Variants in RASSF3 observed in about 807,000 individuals in gnomAD.
RASSF3 encodes Ras association domain family member 3.
RASSF3 carries 19 observed loss-of-function variants against 19.9 expected under a neutral mutation model. The observed-to-expected ratio is 0.96, with a 90% CI of 0.67 to 1.40. The LOEUF (loss-of-function observed/expected upper bound fraction) is 1.40. Among genes scored for constraint, RASSF3 ranks in the 40% most tolerant of loss-of-function variants. The pLI, the probability that RASSF3 is intolerant of heterozygous loss-of-function variation, is 0.00. For missense variants in RASSF3, 306 were observed against 289.8 expected (o/e 1.06, Z -0.41); for synonymous variants, 110 against 104.2 (o/e 1.06, Z -0.34).
intron 1 of RASSF3, among the ~76,000 whole-genome samples, chr12:64,659,900 A>G (rs575178468): frequency 1.2e-4 from 18 of 152,004 alleles, no homozygotes; most frequent in Admixed American, 2.0e-4. Context: ...GTGAGCTGAG[A>G]TGGCGCCACT....
chr12:64,691,292 G>A (rs963690555), intron 3 of RASSF3, among the ~76,000 whole-genome samples, 178 bp from the exon 4 acceptor site: 5 of 152,200 alleles, frequency 3.3e-5, no homozygotes, highest in Admixed American at 3.3e-4. Flanking sequence ...AACAGAAACA[G>A]AATAGATTTT....
chr12:64,657,385 C>T (rs1458228747), intron 1 of RASSF3, among the ~76,000 whole-genome samples: 1 of 152,112 alleles, frequency 6.6e-6, no homozygotes, highest in African/African-American at 2.4e-5. Context: ...TGAATGAACT[C>T]AGTGTCAAAT....
chr12:64,677,127 C>T (rs1013232684), intron 1 of RASSF3, among the ~76,000 whole-genome samples: 1 of 152,144 alleles, frequency 6.6e-6, no homozygotes, highest in Non-Finnish European at 1.5e-5. Context: ...TTTCCTTCCT[C>T]ATTCTTCATT....
intron 1 of RASSF3, among the ~76,000 whole-genome samples, chr12:64,648,919 C>T (rs1232405939): frequency 1.3e-5 from 2 of 150,232 alleles, no homozygotes; most frequent in Non-Finnish European, 3.0e-5. Context: ...GATCCTCACC[C>T]CTCAGCCTAC....
chr12:64,562,347 C>A (rs1439675837), intron 2 of RASSF3, among the ~76,000 whole-genome samples: 1 of 152,016 alleles, frequency 6.6e-6, no homozygotes, highest in Non-Finnish European at 1.5e-5. Flanking sequence ...GAGTACCCAC[C>A]GCATTTATCT....
upstream of RASSF3, among the ~76,000 whole-genome samples, chr12:64,606,054 T>C (rs2136149033): frequency 6.6e-6 from 1 of 152,328 alleles, no homozygotes; most frequent in East Asian, 1.9e-4. Flanking sequence ...ACAGAATTCC[T>C]AGGTACCATA....
At chr12:64,532,824 A>G (rs889704083), upstream of RASSF3, among the ~76,000 whole-genome samples, 1 of 152,102 alleles carries the variant, frequency 6.6e-6, no homozygotes, top group African/African-American at 2.4e-5. Context: ...ACAGAGGGAG[A>G]CCCTATCTCA....
chr12:64,668,553 G>A (rs1006163100), intron 1 of RASSF3, among the ~76,000 whole-genome samples: 1 of 152,122 alleles, frequency 6.6e-6, no homozygotes, highest in Non-Finnish European at 1.5e-5. Flanking sequence ...GATTACAGGT[G>A]TGAGCCACCA....
chr12:64,658,140 C>T (rs1690259), intron 1 of RASSF3, among the ~76,000 whole-genome samples: 43,735 of 152,000 alleles, frequency 0.29, 6,788 homozygotes, highest in Non-Finnish European at 0.36. Context: ...GGAGAGTGCC[C>T]GTCAGATGTC....
At chr12:64,650,408 CTTTTTT>C (rs67304103) in intron 1 of RASSF3, among the ~76,000 whole-genome samples, 134 of 85,478 alleles carry the variant, frequency 1.6e-3, no homozygotes, top group African/African-American at 6.0e-3. Context: ...TTTTTTTTTC[CTTTTTT>C]TTTTTTTTTT....
At chr12:64,542,936 G>C (rs748471994), downstream of RASSF3, among the ~76,000 whole-genome samples, 4 of 152,140 alleles carry the variant, frequency 2.6e-5, no homozygotes, top group Non-Finnish European at 5.9e-5. Flanking sequence ...TGGAGGGAGA[G>C]GCACGGGCGG....
intron 1 of RASSF3, among the ~76,000 whole-genome samples, chr12:64,624,349 A>G (rs1870909016): frequency 6.6e-6 from 1 of 152,014 alleles, no homozygotes; most frequent in African/African-American, 2.4e-5. Flanking sequence ...ATTAATTGCA[A>G]GCAGCTATGT....
upstream of RASSF3, among the ~76,000 whole-genome samples, chr12:64,610,184 G>C (rs1224144039): frequency 6.6e-6 from 1 of 152,200 alleles, no homozygotes; most frequent in Non-Finnish European, 1.5e-5. Flanking sequence ...GGGGCGGGCG[G>C]ACGGCTCGCA....
At chr12:64,596,725 GTA>G (rs751476409) in intron 2 of RASSF3, among the ~76,000 whole-genome samples, 2 of 151,138 alleles carry the variant, frequency 1.3e-5, no homozygotes, top group Admixed American at 6.6e-5. Context: ...TAACTCTTCA[GTA>G]TATATATATA....
intron 1 of RASSF3, among the ~76,000 whole-genome samples, chr12:64,643,483 G>A (rs1039183293): frequency 3.3e-5 from 5 of 151,976 alleles, no homozygotes; most frequent in African/African-American, 1.2e-4. Flanking sequence ...GCTGTAGTAT[G>A]GGATGATTGT....
intron 1 of RASSF3, among the ~76,000 whole-genome samples, chr12:64,667,488 G>A (rs769461507): frequency 1.3e-5 from 2 of 152,062 alleles, no homozygotes; most frequent in Non-Finnish European, 1.5e-5. Context: ...CACTGCGCCC[G>A]GCCTATTTTC....
chr12:64,595,211 T>C lies in RASSF3; in HGVS notation c.294+53506T>C, dbSNP rs2136142451. Among the ~76,000 whole-genome samples, 3 of 151,628 alleles carry C rather than the reference T, an allele frequency of 2.0e-5. No homozygotes were observed. The South Asian group carries it at 6.3e-4, about 32-fold the overall frequency. On this transcript the variant is annotated intron_variant, in intron 2 of 5. Transcript: ENST00000637125. ...GCCTCCTGAGTAGCTAGGACTATAG[T>C]TGTGTGCCACCACGCCAGGCTAATT...
chr12:64,509,285 A>G (rs7964392), intron 1 of RASSF3, among the ~76,000 whole-genome samples: 9,110 of 152,152 alleles, frequency 0.06, 908 homozygotes, highest in African/African-American at 0.21. Flanking sequence ...CCCTGTCTCT[A>G]CTAAAAATAC....
chr12:64,582,050 G>T (rs1168902569), intron 2 of RASSF3, among the ~76,000 whole-genome samples: 1 of 151,854 alleles, frequency 6.6e-6, no homozygotes, highest in Non-Finnish European at 1.5e-5. Flanking sequence ...TTAGAGAGAT[G>T]CGGTTGCCCA....
Sources: allele counts gnomAD v4.1 joint callset (sites outside exome capture counted in the v4.1 genomes callset), GRCh38; gene constraint gnomAD v4.1.1; transcripts MANE v1.5; gene names NCBI Gene and HGNC (gene_info 2026-07-23, HGNC 2026-07-21).